The following CTSH variants were observed in gnomAD, a reference collection of about 807,000 sequenced individuals.
The protein encoded by CTSH is cathepsin H, also known as pro-cathepsin H.
A neutral mutation model predicts 56.3 loss-of-function variants in CTSH; 52 were observed. That is an observed-to-expected ratio of 0.92 (90% CI 0.74 to 1.16). CTSH has a LOEUF of 1.16. Ranked by LOEUF, CTSH falls within the 50% of genes most tolerant of loss-of-function variation. The pLI, the probability that CTSH is intolerant of heterozygous loss-of-function variation, is 0.00. For synonymous variants in CTSH, 174 were observed against 155.7 expected (o/e 1.12, Z -0.88); for missense variants, 406 against 424.5 (o/e 0.96, Z 0.38).
At chr15:78,943,816 G>C (rs1274682764) in intron 1 of CTSH, among the ~76,000 whole-genome samples, 4 of 152,368 alleles carry the variant, frequency 2.6e-5, no homozygotes, top group East Asian at 3.9e-4. Context: ...CCCTGCTCTG[G>C]AATTCAGACA....
intron 10 of CTSH, among the ~76,000 whole-genome samples, 155 bp downstream of exon 10, chr15:78,925,179 G>A (rs1289885367): frequency 2.6e-5 from 4 of 152,184 alleles, no homozygotes; most frequent in Non-Finnish European, 5.9e-5. Context: ...AGGATTAACT[G>A]AGGGATGTGC....
At chr15:78,927,516 C>A in intron 9 of CTSH, 197 bp downstream of exon 9, 2 of 556,254 alleles carry the variant, frequency 3.6e-6, no homozygotes, top group South Asian at 2.4e-5. Context: ...AGAGGGCCTG[C>A]CTGCCAGTTT....
At chr15:78,940,023 C>G (rs78627176) in intron 1 of CTSH, among the ~76,000 whole-genome samples, 6 of 152,262 alleles carry the variant, frequency 3.9e-5, no homozygotes, top group African/African-American at 1.2e-4. Context: ...CCCTGCGGCT[C>G]AGAGACAGCC....
intron 10 of CTSH, among the ~76,000 whole-genome samples, chr15:78,924,852 C>CTTTT (rs10689092): frequency 1.0e-3 from 141 of 135,762 alleles, no homozygotes; most frequent in African/African-American, 2.9e-3. Context: ...ACCACGCTGG[C>CTTTT]TTTTTTTTTT....
In CTSH at chr15:78,923,209, A is replaced by G. The variant is rs577490011; in HGVS notation, c.807-91T>C. ...AACAACGCCTCTTTGAGCGCTTTAG[A>G]GCAATGTTCCCCACAGCGGACCAGG... On this transcript the variant is annotated intron_variant, in intron 10 of 11. Transcript: ENST00000220166. 5.0e-4 allele frequency: 725 copies of G among 1,463,356 alleles called. 13 individuals carry two copies. In the South Asian group the frequency reaches 8.0e-3, roughly 16 times the overall value. 90.6% of individuals were successfully genotyped at this position (1,463,356 alleles called of 1,614,324 possible).
intron 7 of CTSH, among the ~76,000 whole-genome samples, chr15:78,930,710 G>A (rs1318199747): frequency 1.3e-5 from 2 of 152,238 alleles, no homozygotes; most frequent in African/African-American, 2.4e-5. Flanking sequence ...AGGCTACGAC[G>A]TCACCCCTGG....
chr15:78,937,642 G>A, intron 2 of CTSH: 1 of 1,399,410 alleles, frequency 7.1e-7, no homozygotes, highest in South Asian at 1.3e-5. Context: ...CCATGCAGCT[G>A]CGTGAAAGTC....
At chr15:78,938,726 G>A (rs986761960) in intron 2 of CTSH, among the ~76,000 whole-genome samples, 2 of 152,196 alleles carry the variant, frequency 1.3e-5, no homozygotes, top group Non-Finnish European at 2.9e-5. Context: ...ACATGAGGGT[G>A]CAGATATCCC....
intron 1 of CTSH, among the ~76,000 whole-genome samples, chr15:78,939,717 G>A (rs1277949403): frequency 6.6e-6 from 1 of 152,106 alleles, no homozygotes; most frequent in East Asian, 1.9e-4. Context: ...GCGAAACCCT[G>A]TCTCCACAAA....
intron 1 of CTSH, 66 bp downstream of exon 1, chr15:78,944,825 C>G (rs946392837): frequency 3.4e-6 from 5 of 1,489,192 alleles, no homozygotes; most frequent in Non-Finnish European, 4.5e-6. Flanking sequence ...CGCCCCTGGC[C>G]AAGTTCTCCC....
At chr15:78,927,850 A>G (rs966321542) in intron 8 of CTSH, 69 bp from the exon 9 acceptor site, 1 of 1,296,144 alleles carries the variant, frequency 7.7e-7, no homozygotes, top group Non-Finnish European at 1.1e-6. Context: ...CACGCAGTTC[A>G]ATAACATTTA....
Position 78,922,075 on chromosome 15 carries a change from C to T in CTSH, c.*55G>A. On this transcript the variant is annotated 3_prime_UTR_variant, in exon 12 of 12. Coordinates refer to ENST00000220166, the MANE Select transcript of CTSH (RefSeq NM_004390.5). ...CTCCAGGGCAGGATTTCCACCCAGG[C>T]CCAGGCTGCCCGTTCCTCTCCTTCT... 6.6e-7 allele frequency: 1 copy of T among 1,506,172 alleles called. No homozygotes were observed. 93.3% of individuals were successfully genotyped at this position (1,506,172 alleles called of 1,614,324 possible).
chr15:78,923,191 C>T (rs2054814908), intron 10 of CTSH, 73 bp from the exon 11 acceptor site: 2 of 1,555,438 alleles, frequency 1.3e-6, no homozygotes, highest in Non-Finnish European at 8.8e-7. Context: ...TCCAACAACG[C>T]CTCTTTGAGC....
intron 5 of CTSH, 53 bp from the exon 6 acceptor site, chr15:78,932,511 C>G: frequency 2.1e-6 from 3 of 1,416,974 alleles, no homozygotes; most frequent in Non-Finnish European, 3.0e-6. Context: ...CGCCGTGAGA[C>G]AGCCCTGCCT....
intron 10 of CTSH, among the ~76,000 whole-genome samples, chr15:78,923,824 T>C (rs1409797366): frequency 6.6e-6 from 1 of 152,200 alleles, no homozygotes; most frequent in Non-Finnish European, 1.5e-5. Context: ...TTTTTCTGTT[T>C]ACAAAAGTGA....
intron 5 of CTSH, among the ~76,000 whole-genome samples, chr15:78,934,292 C>T (rs1480766696): frequency 6.6e-6 from 1 of 152,218 alleles, no homozygotes; most frequent in Non-Finnish European, 1.5e-5. Flanking sequence ...AGGAAACCTT[C>T]ACCTCATATT....
At chr15:78,933,676 G>C in intron 5 of CTSH, 1 of 314,168 alleles carries the variant, frequency 3.2e-6, no homozygotes, top group Non-Finnish European at 6.6e-6. Context: ...CTGACCCTTG[G>C]GTGCTCGACT....
rs2054780294 is a variant in CTSH, at chr15:78,922,067, C to T, written c.*63G>A. 1 of 1,474,208 alleles carries T rather than the reference C, an allele frequency of 6.8e-7. No homozygotes were observed. The allele number at this position is 1,474,208 out of a possible 1,614,324, so 91.3% of individuals were successfully genotyped here. The stretch of plus-strand genomic sequence containing the variant: ...ACAACTTCCTCCAGGGCAGGATTTC[C>T]ACCCAGGCCCAGGCTGCCCGTTCCT... On this transcript the variant is annotated 3_prime_UTR_variant, in exon 12 of 12. Transcript: ENST00000220166.
Position 78,922,032 on chromosome 15 carries a change from G to T in CTSH, c.*98C>A. The T allele has an allele frequency of 8.8e-7, 1 of 1,134,050 alleles. No individual in the cohort carries two copies. Among genetic ancestry groups the T allele is most frequent in the Non-Finnish European group, 1.3e-6 (1 of 779,088 alleles). The allele number at this position is 1,134,050 out of a possible 1,614,324, so 70.2% of individuals were successfully genotyped here. On this transcript the variant is annotated 3_prime_UTR_variant, in exon 12 of 12. Transcript: ENST00000220166. The stretch of plus-strand genomic sequence containing the variant: ...AGGGCAGAATGTTGGGGGTCCCAGT[G>T]GATCTCCCCACAACTTCCTCCAGGG...
Sources: gnomAD v4.1 joint callset for allele counts (sites outside exome capture counted in the v4.1 genomes callset) on GRCh38, gnomAD v4.1.1 for gene constraint, MANE v1.5 for transcripts, NCBI Gene and HGNC (gene_info 2026-07-23, HGNC 2026-07-21) for gene names.